The following PCSK2 variants were observed in gnomAD, a reference collection of about 807,000 sequenced individuals.
PCSK2 encodes neuroendocrine convertase 2.
Under a neutral mutation model 69.7 loss-of-function variants are expected in PCSK2, and 14 were observed. That is an observed-to-expected ratio of 0.20 (90% confidence interval 0.13 to 0.31). PCSK2 has a LOEUF of 0.31. PCSK2 is among the 10% of genes least tolerant of loss of function. PCSK2 has a pLI of 1.00. For missense variants in PCSK2, 544 were observed against 842.5 expected, an observed-to-expected ratio of 0.65 and a Z score of 4.39; for synonymous variants, 307 against 320.7, an observed-to-expected ratio of 0.96 and a Z score of 0.46.
intron 9 of PCSK2, among the ~76,000 whole-genome samples, chr20:17,455,128 C>T (rs973436181): frequency 2.0e-5 from 3 of 152,086 alleles, no homozygotes; most frequent in Non-Finnish European, 2.9e-5. Flanking sequence ...GCTCCACTCC[C>T]TACCCCAAAG....
At chr20:17,441,778 C>T (rs2032602975) in intron 8 of PCSK2, among the ~76,000 whole-genome samples, 1 of 152,096 alleles carries the variant, frequency 6.6e-6, no homozygotes, top group Non-Finnish European at 1.5e-5. Context: ...CTTCCCACAA[C>T]ATGTGGAAAT....
At chr20:17,347,787 C>CGAAAGAAAGAAAGAAAGAAAGAAA (rs58349005) in intron 2 of PCSK2, among the ~76,000 whole-genome samples, 1 of 48,522 alleles carries the variant, frequency 2.1e-5, no homozygotes, top group Non-Finnish European at 3.8e-5. Flanking sequence ...GACACATAGA[C>CGAAAGAAAGAAAGAAAGAAAGAAA]GAAAGAAAGA....
At chr20:17,329,826 A>G in intron 2 of PCSK2, among the ~76,000 whole-genome samples, 1 of 152,224 alleles carries the variant, frequency 6.6e-6, no homozygotes. Flanking sequence ...TTCAAGAAGT[A>G]TATGAAGGAA....
chr20:17,439,324 C>G (rs1430140490), intron 8 of PCSK2, among the ~76,000 whole-genome samples: 1 of 151,926 alleles, frequency 6.6e-6, no homozygotes. Flanking sequence ...CATGTTTCAC[C>G]ATGTTGCCCA....
intron 2 of PCSK2, among the ~76,000 whole-genome samples, chr20:17,286,470 T>C (rs1733389644): frequency 6.6e-6 from 1 of 152,186 alleles, no homozygotes; most frequent in African/African-American, 2.4e-5. Context: ...TTTTTGTTTT[T>C]TTTAGGAAAT....
intron 11 of PCSK2, among the ~76,000 whole-genome samples, chr20:17,471,435 C>T (rs1026595789): frequency 6.6e-6 from 1 of 152,172 alleles, no homozygotes; most frequent in Admixed American, 6.5e-5. Context: ...ACTGGGCCCT[C>T]GTCTGTCATA....
At chr20:17,374,091 C>CTA (rs1487880449) in intron 5 of PCSK2, among the ~76,000 whole-genome samples, 1 of 152,176 alleles carries the variant, frequency 6.6e-6, no homozygotes, top group Non-Finnish European at 1.5e-5. Flanking sequence ...CCCATCTTCG[C>CTA]TATAATAACT....
At chr20:17,380,335 C>CA (rs1311437806) in intron 5 of PCSK2, among the ~76,000 whole-genome samples, 3 of 152,136 alleles carry the variant, frequency 2.0e-5, no homozygotes, top group Non-Finnish European at 2.9e-5. Context: ...GCTTTTATCT[C>CA]AAAAATAAGT....
At chr20:17,351,175 A>AG (rs1406359833) in intron 2 of PCSK2, among the ~76,000 whole-genome samples, 1 of 152,216 alleles carries the variant, frequency 6.6e-6, no homozygotes, top group Non-Finnish European at 1.5e-5. Flanking sequence ...GAGGTGGGTA[A>AG]GGGATGGGTA....
At chr20:17,465,056 C>T (rs2033076820) in intron 10 of PCSK2, 2 of 461,296 alleles carry the variant, frequency 4.3e-6, no homozygotes, top group Middle Eastern at 5.2e-4. Flanking sequence ...CAGTCTTTTT[C>T]ATTTTAGCCA....
intron 5 of PCSK2, among the ~76,000 whole-genome samples, chr20:17,402,489 G>A (rs890855456): frequency 4.6e-5 from 7 of 151,336 alleles, no homozygotes; most frequent in African/African-American, 1.7e-4. Context: ...TGGCCAACAT[G>A]GCAAAACCCC....
chr20:17,284,355 C>G (rs548632773), intron 2 of PCSK2, among the ~76,000 whole-genome samples: 2 of 152,310 alleles, frequency 1.3e-5, no homozygotes, highest in South Asian at 4.1e-4. Flanking sequence ...GCTTTGCTAA[C>G]TGTGACATAC....
At chr20:17,407,160 A>G (rs2031770464) in intron 5 of PCSK2, among the ~76,000 whole-genome samples, 1 of 152,124 alleles carries the variant, frequency 6.6e-6, no homozygotes, top group Non-Finnish European at 1.5e-5. Context: ...GATGCCTCAC[A>G]GGGGCATTTC....
chr20:17,382,521 C>T (rs1164410086), intron 5 of PCSK2, among the ~76,000 whole-genome samples: 1 of 152,162 alleles, frequency 6.6e-6, no homozygotes, highest in Non-Finnish European at 1.5e-5. Context: ...GACTAAGGTG[C>T]TAAACGTTAC....
At chr20:17,271,820 T>C (rs1301228182) in intron 2 of PCSK2, among the ~76,000 whole-genome samples, 1 of 152,130 alleles carries the variant, frequency 6.6e-6, no homozygotes, top group Non-Finnish European at 1.5e-5. Flanking sequence ...TAACACACTG[T>C]CCAATCTAAA....
At chr20:17,451,021 C>T (rs1438934001) in intron 8 of PCSK2, among the ~76,000 whole-genome samples, 1 of 152,180 alleles carries the variant, frequency 6.6e-6, no homozygotes, top group Non-Finnish European at 1.5e-5. Flanking sequence ...TCCTCACTGG[C>T]CCATCTTCCC....
At chr20:17,312,830 ACT>A (rs980899043) in intron 2 of PCSK2, among the ~76,000 whole-genome samples, 7 of 152,174 alleles carry the variant, frequency 4.6e-5, no homozygotes, top group African/African-American at 1.4e-4. Flanking sequence ...GAGCAGATAA[ACT>A]CTGTGTCTAG....
intron 1 of PCSK2, among the ~76,000 whole-genome samples, chr20:17,239,841 CTTTTTTTTTTT>C (rs869179656): frequency 1.3e-4 from 9 of 68,646 alleles, no homozygotes; most frequent in African/African-American, 4.7e-4. Flanking sequence ...GGTGAAAACA[CTTTTTTTTTTT>C]TTTTTTTTTT....
At chr20:17,433,673 G>A (rs1475533081) in intron 7 of PCSK2, among the ~76,000 whole-genome samples, 1 of 152,220 alleles carries the variant, frequency 6.6e-6, no homozygotes, top group African/African-American at 2.4e-5. Flanking sequence ...GTGCAGGCCT[G>A]CCTGGGGTCA....
Sources: allele counts gnomAD v4.1 joint callset (sites outside exome capture counted in the v4.1 genomes callset), GRCh38; gene constraint gnomAD v4.1.1; transcripts MANE v1.5; gene names NCBI Gene and HGNC (gene_info 2026-07-23, HGNC 2026-07-21).